Variants in PTPRA observed in about 807,000 individuals in gnomAD.
The protein encoded by PTPRA is receptor-type tyrosine-protein phosphatase alpha.
In PTPRA, 25 loss-of-function variants were observed where a neutral mutation model predicts 104.8. The ratio of observed to expected loss-of-function variants is 0.24; its 90% CI spans 0.17 to 0.33. The LOEUF (loss-of-function observed/expected upper bound fraction) is 0.33. Ranked by LOEUF, PTPRA falls within the 10% of genes least tolerant of loss-of-function variation. The pLI, the probability that PTPRA is intolerant of heterozygous loss-of-function variation, is 1.00. For synonymous variants in PTPRA, 323 were observed against 368.9 expected, an observed-to-expected ratio of 0.88 and a Z score of 1.43; for missense variants, 765 against 1,015.3, an observed-to-expected ratio of 0.75 and a Z score of 3.35.
chr20:2,904,054 G>A (rs1310809496), intron 1 of PTPRA, among the ~76,000 whole-genome samples: 3 of 152,044 alleles, frequency 2.0e-5, no homozygotes, highest in South Asian at 2.1e-4. Flanking sequence ...CCACAGACGC[G>A]TGCCACCATG....
intron 1 of PTPRA, among the ~76,000 whole-genome samples, chr20:2,913,782 A>G (rs1489232394): frequency 6.6e-6 from 1 of 151,988 alleles, no homozygotes; most frequent in Non-Finnish European, 1.5e-5. Flanking sequence ...ACATTTAACT[A>G]TTTTTTCCTT....
intron 3 of PTPRA, among the ~76,000 whole-genome samples, chr20:2,960,776 A>G (rs771711769): frequency 6.0e-5 from 9 of 150,290 alleles, no homozygotes; most frequent in Non-Finnish European, 1.0e-4. Context: ...AGCTCAAGCA[A>G]TTTGCCTGCC....
At chr20:3,010,542 G>T (rs987435320) in intron 11 of PTPRA, among the ~76,000 whole-genome samples, 1 of 152,064 alleles carries the variant, frequency 6.6e-6, no homozygotes, top group Non-Finnish European at 1.5e-5. Context: ...GCAGGAGAAC[G>T]GCGTGAACCT....
intron 1 of PTPRA, among the ~76,000 whole-genome samples, chr20:2,908,380 G>A (rs765455523): frequency 3.3e-5 from 5 of 151,894 alleles, no homozygotes; most frequent in African/African-American, 4.8e-5. Flanking sequence ...ACAACCAAAC[G>A]TGGATCAAAA....
chr20:2,945,582 G>GGTGTGTGTGTGT (rs3842441), intron 2 of PTPRA, among the ~76,000 whole-genome samples: 3 of 148,152 alleles, frequency 2.0e-5, no homozygotes, highest in Admixed American at 1.3e-4. Flanking sequence ...ATAATTGGCA[G>GGTGTGTGTGTGT]GTGTGTGTGT....
chr20:3,008,918 A>AT (rs1238208971), intron 11 of PTPRA, among the ~76,000 whole-genome samples: 1 of 152,058 alleles, frequency 6.6e-6, no homozygotes, highest in Non-Finnish European at 1.5e-5. Context: ...TCAAAAAAAA[A>AT]GAAGAGTCAA....
At chr20:2,908,023 T>C (rs1245675151) in intron 1 of PTPRA, among the ~76,000 whole-genome samples, 1 of 152,212 alleles carries the variant, frequency 6.6e-6, no homozygotes, top group African/African-American at 2.4e-5. Context: ...ATACATTTCT[T>C]CAGCTTCTTC....
chr20:2,873,659 G>C lies in PTPRA; in HGVS notation c.-230G>C, dbSNP rs1487913128. ...GCCGCGGGGCTCGGAGCCGCGGGCC[G>C]GGCGGCGGCCCTGAGGGCTAGTGGC... On this transcript the variant is annotated 5_prime_UTR_variant, in exon 1 of 24. Coordinates refer to ENST00000399903, the MANE Select transcript of PTPRA (RefSeq NM_001385305.1). This position sits in a 1 kb window ranked among gnomAD's most constrained non-coding sequence, Gnocchi z 4.4. 6.6e-6 allele frequency: 1 copy of C among 150,528 alleles called. No individual in the cohort carries two copies. Among genetic ancestry groups the C allele is most frequent in the East Asian group, 2.0e-4 (1 of 5,084 alleles). 9.3% of individuals were successfully genotyped at this position (150,528 alleles called of 1,614,324 possible). A position where few individuals can be genotyped will look rare whatever the true frequency, so the allele number is the denominator to read the frequency against.
intron 13 of PTPRA, among the ~76,000 whole-genome samples, chr20:3,019,540 A>G (rs1427168212): frequency 7.4e-5 from 11 of 149,436 alleles, no homozygotes; most frequent in Admixed American, 2.0e-4. Flanking sequence ...GACGCTCCTC[A>G]CTTCCTAGAT....
At chr20:2,872,718 T>G (rs184399409), upstream of PTPRA, among the ~76,000 whole-genome samples, 751 of 152,174 alleles carry the variant, frequency 4.9e-3, 5 homozygotes, top group African/African-American at 0.017. This position sits in a 1 kb window ranked among gnomAD's most constrained non-coding sequence, Gnocchi z 7.9. Context: ...CCAGACGCCG[T>G]GCCGGGAGCG....
chr20:2,872,104 A>G (rs535223862), upstream of PTPRA, among the ~76,000 whole-genome samples: 192 of 151,254 alleles, frequency 1.3e-3, no homozygotes, highest in Non-Finnish European at 2.2e-3. The surrounding 1 kb of genome is among the most constrained non-coding windows in gnomAD (Gnocchi z 7.9). Context: ...CGGAGATGGT[A>G]GGACTGGAGA....
At chr20:2,991,989 G>A (rs988684310) in intron 9 of PTPRA, among the ~76,000 whole-genome samples, 2 of 152,186 alleles carry the variant, frequency 1.3e-5, no homozygotes, top group Admixed American at 1.3e-4. Context: ...CACTTAAGTA[G>A]TATACCCCAT....
intron 20 of PTPRA, 60 bp downstream of exon 20, chr20:3,027,901 A>G: frequency 6.3e-7 from 1 of 1,598,716 alleles, no homozygotes. Flanking sequence ...ATGTGTGTGT[A>G]AATGGGGACG....
chr20:2,991,946 G>A (rs1184435105), intron 9 of PTPRA, among the ~76,000 whole-genome samples: 1 of 152,192 alleles, frequency 6.6e-6, no homozygotes, highest in Non-Finnish European at 1.5e-5. Flanking sequence ...TCTTCACTAG[G>A]AGAATTTCTC....
chr20:2,874,434 T>A (rs1000852380), intron 1 of PTPRA, among the ~76,000 whole-genome samples: 1 of 151,696 alleles, frequency 6.6e-6, no homozygotes, highest in Non-Finnish European at 1.5e-5. Context: ...CTTGAGGGTT[T>A]CGTTTTTATT....
chr20:2,968,606 T>C (rs2062032960), intron 5 of PTPRA, among the ~76,000 whole-genome samples: 1 of 152,056 alleles, frequency 6.6e-6, no homozygotes, highest in Admixed American at 6.6e-5. Flanking sequence ...TGAGTCTTTT[T>C]CTCCTTTTAA....
intron 1 of PTPRA, among the ~76,000 whole-genome samples, chr20:2,893,491 T>TA (rs1195222977): frequency 1.3e-5 from 2 of 152,236 alleles, no homozygotes; most frequent in African/African-American, 4.8e-5. Flanking sequence ...AAATATTTAA[T>TA]CTTAGCTGTA....
At chr20:2,907,332 A>T (rs2059463324) in intron 1 of PTPRA, among the ~76,000 whole-genome samples, 1 of 152,180 alleles carries the variant, frequency 6.6e-6, no homozygotes, top group African/African-American at 2.4e-5. Context: ...AAGCATGATA[A>T]AACTTTAGTA....
chr20:2,889,824 T>G (rs753067011), intron 1 of PTPRA, among the ~76,000 whole-genome samples: 6 of 152,166 alleles, frequency 3.9e-5, no homozygotes, highest in Non-Finnish European at 8.8e-5. Context: ...CCTTTCCTTA[T>G]GTTAAGAGTC....
Sources: allele counts gnomAD v4.1 joint callset (sites outside exome capture counted in the v4.1 genomes callset), GRCh38; gene constraint gnomAD v4.1.1; non-coding constraint Gnocchi (gnomAD v3.1); transcripts MANE v1.5; gene names NCBI Gene and HGNC (gene_info 2026-07-23, HGNC 2026-07-21).